Variants in KIF18A observed in about 807,000 individuals in gnomAD.
KIF18A encodes kinesin-like protein KIF18A.
Under a neutral mutation model 103.3 loss-of-function variants are expected in KIF18A, and 67 were observed. The ratio of observed to expected loss-of-function variants is 0.65; its 90% CI spans 0.53 to 0.79. The LOEUF is 0.79. KIF18A is among the 30% of genes least tolerant of loss of function. The pLI, the probability that KIF18A is intolerant of heterozygous loss-of-function variation, is 0.00. For missense variants in KIF18A, 1,032 were observed against 1,062.5 expected (o/e 0.97, Z 0.40); for synonymous variants, 367 against 355.5 (o/e 1.03, Z -0.36).
chr11:28,076,897 G>C, intron 10 of KIF18A, 110 bp downstream of exon 10: 1 of 524,736 alleles, frequency 1.9e-6, no homozygotes, highest in Non-Finnish European at 3.0e-6. Context: ...TTGTGCCACT[G>C]CACTCCAGCT....
At chr11:28,040,141 T>A (rs1332689001) in intron 13 of KIF18A, among the ~76,000 whole-genome samples, 1 of 151,844 alleles carries the variant, frequency 6.6e-6, no homozygotes, top group Admixed American at 6.6e-5. Context: ...ATACAATTTT[T>A]ATAATATATA....
At chr11:28,028,186 C>T (rs534971266) in intron 15 of KIF18A, among the ~76,000 whole-genome samples, 10 of 152,046 alleles carry the variant, frequency 6.6e-5, no homozygotes, top group Non-Finnish European at 7.4e-5. Flanking sequence ...ACTTAATAGA[C>T]GTCTACAGAA....
chr11:28,090,764 A>C, intron 4 of KIF18A, 37 bp from the exon 5 acceptor site: 2 of 944,056 alleles, frequency 2.1e-6, no homozygotes, highest in Non-Finnish European at 3.4e-6. Flanking sequence ...TTTAAAAATC[A>C]GCAATATATC....
intron 15 of KIF18A, among the ~76,000 whole-genome samples, chr11:28,024,190 T>TCA (rs1850283195): frequency 1.4e-5 from 1 of 70,976 alleles, no homozygotes; most frequent in East Asian, 4.3e-4. Context: ...TCACAAGAGG[T>TCA]TAAAAAAAAA....
intron 16 of KIF18A, among the ~76,000 whole-genome samples, chr11:28,022,546 C>A (rs898244726): frequency 6.6e-6 from 1 of 152,144 alleles, no homozygotes; most frequent in Non-Finnish European, 1.5e-5. Flanking sequence ...GGATTACAGG[C>A]GTGAGCCACG....
chr11:28,082,635 TATG>T (rs1851179317), intron 9 of KIF18A, among the ~76,000 whole-genome samples: 1 of 152,166 alleles, frequency 6.6e-6, no homozygotes, highest in African/African-American at 2.4e-5. Context: ...CTCATTTTAT[TATG>T]ATATTTCATT....
At chr11:28,101,382 G>C (rs901069347) in intron 1 of KIF18A, among the ~76,000 whole-genome samples, 1 of 152,142 alleles carries the variant, frequency 6.6e-6, no homozygotes, top group Non-Finnish European at 1.5e-5. Context: ...AATACTAAGT[G>C]ATTATTTCAA....
intron 1 of KIF18A, among the ~76,000 whole-genome samples, chr11:28,100,852 C>T (rs1046975763): frequency 1.3e-5 from 2 of 152,022 alleles, no homozygotes; most frequent in African/African-American, 4.8e-5. Flanking sequence ...CCTGAGCTTC[C>T]GTCTAGCCAA....
intron 16 of KIF18A, 148 bp downstream of exon 16, chr11:28,023,593 A>C (rs982247812): frequency 2.6e-5 from 12 of 460,568 alleles, no homozygotes; most frequent in African/African-American, 4.0e-5. Context: ...CCTTATCTAT[A>C]ATATGTGGAT....
Position 28,083,236 on chromosome 11 carries a change from C to T in KIF18A, c.1082G>A (p.Ser361Asn). The T allele has an allele frequency of 6.4e-7, 1 of 1,551,774 alleles. No individual in the cohort carries two copies. Among genetic ancestry groups the T allele is most frequent in the Non-Finnish European group, 8.6e-7 (1 of 1,160,254 alleles). ...RAKDIKSSLK[S>N]NVLNVNNHIT... ...ATGATTATTGACATTAAGAACATTG[C>T]TCTTCAACTGTTGAAAGATAGAAAT... Residue 361 changes from serine to asparagine, a missense_variant, in exon 8 of 17, where the codon AGC becomes AAC. Coordinates refer to ENST00000263181, the MANE Select transcript of KIF18A (RefSeq NM_031217.4).
rs1241130574 is a variant in KIF18A at position 28,077,030 on chromosome 11, A to G, written c.1402T>C (p.Cys468Arg). 2 of 1,551,150 alleles carry G rather than the reference A, an allele frequency of 1.3e-6. No individual in the cohort carries two copies. The highest frequency in any genetic ancestry group is 1.2e-5 in the South Asian group (1 of 82,784). ...ACCTTTTCTACTTTGTCTTCAGAAC[A>G]CATCATTTCTATTTGTTTATGGCAC... is the stretch of plus-strand genomic sequence containing the variant. ...QQCHKQIEMMCSEDKVEKATG... is the reference protein window; with the variant it reads ...QQCHKQIEMMRSEDKVEKATG... The change falls in exon 10 of 17, where the codon TGT (cysteine) becomes CGT (arginine). Residue 468 changes from cysteine (C) to arginine (R), a missense_variant. By Grantham distance (180) the Cys-to-Arg change is radical. Transcript: ENST00000263181.
At chr11:28,092,307 G>A (rs1439418749) in intron 3 of KIF18A, among the ~76,000 whole-genome samples, 1 of 152,116 alleles carries the variant, frequency 6.6e-6, no homozygotes, top group Admixed American at 6.5e-5. Context: ...GGTGGTATTT[G>A]TTTCGGTTAT....
intron 1 of KIF18A, among the ~76,000 whole-genome samples, chr11:28,105,604 A>T (rs1851494565): frequency 6.6e-6 from 1 of 151,874 alleles, no homozygotes; most frequent in African/African-American, 2.4e-5. Flanking sequence ...AAATCTCCCT[A>T]TTTCCCCCAA....
intron 9 of KIF18A, among the ~76,000 whole-genome samples, chr11:28,080,854 G>A (rs1209953644): frequency 2.0e-5 from 3 of 152,166 alleles, no homozygotes; most frequent in Non-Finnish European, 4.4e-5. Context: ...TAGCCAAGTT[G>A]TGAATGCAAA....
At chr11:28,053,759 G>C (rs1307937882) in intron 13 of KIF18A, among the ~76,000 whole-genome samples, 1 of 152,060 alleles carries the variant, frequency 6.6e-6, no homozygotes, top group East Asian at 1.9e-4. Flanking sequence ...AGCTGGGGTG[G>C]AGGAAAGCAG....
intron 13 of KIF18A, among the ~76,000 whole-genome samples, chr11:28,037,372 CAAAT>C (rs1321557899): frequency 2.6e-5 from 4 of 151,500 alleles, no homozygotes; most frequent in South Asian, 2.1e-4. Flanking sequence ...AACAAACAAA[CAAAT>C]AAACCAAAAC....
At chr11:28,077,191 A>T (rs958526516) in intron 9 of KIF18A, 22 bp from the exon 10 acceptor site, 3 of 1,507,988 alleles carry the variant, frequency 2.0e-6, no homozygotes, top group Non-Finnish European at 2.7e-6. Flanking sequence ...AAAACACATT[A>T]CAGAATCTCA....
chr11:28,103,702 C>G (rs760626027), intron 1 of KIF18A, among the ~76,000 whole-genome samples: 1 of 151,754 alleles, frequency 6.6e-6, no homozygotes, highest in Non-Finnish European at 1.5e-5. Context: ...TGCTCACAGA[C>G]CCCAAAAAGC....
chr11:28,084,297 C>G (rs1196877790), intron 7 of KIF18A: 1 of 152,396 alleles, frequency 6.6e-6, no homozygotes, highest in African/African-American at 2.4e-5. Context: ...TGGGCTGCAA[C>G]AAATGTGTTC....
Sources: allele counts gnomAD v4.1 joint callset (sites outside exome capture counted in the v4.1 genomes callset), GRCh38; gene constraint gnomAD v4.1.1; transcripts MANE v1.5; gene names NCBI Gene and HGNC (gene_info 2026-07-23, HGNC 2026-07-21).